The following AUTS2 variants were observed in gnomAD, a reference collection of about 807,000 sequenced individuals.
AUTS2 encodes the protein activator of transcription and developmental regulator AUTS2, also known as autism susceptibility gene 2 protein.
A neutral mutation model predicts 112.4 loss-of-function variants in AUTS2; 17 were observed. The observed-to-expected ratio is 0.15, with a 90% confidence interval of 0.10 to 0.23. AUTS2 has a LOEUF of 0.23. Ranked by LOEUF, AUTS2 falls within the 10% of genes least tolerant of loss-of-function variation. The pLI, the probability that AUTS2 is intolerant of heterozygous loss-of-function variation, is 1.00. For missense variants in AUTS2, 1,510 were observed against 1,701.6 expected, an observed-to-expected ratio of 0.89 and a Z score of 1.98; for synonymous variants, 751 against 702.7, an observed-to-expected ratio of 1.07 and a Z score of -1.09.
At chr7:69,977,000 C>T (rs1798085745) in intron 2 of AUTS2, among the ~76,000 whole-genome samples, 2 of 152,122 alleles carry the variant, frequency 1.3e-5, no homozygotes, top group African/African-American at 4.8e-5. Flanking sequence ...TTGTCACATC[C>T]AAGAAAGATT....
At chr7:70,613,691 A>G (rs1365974486) in intron 5 of AUTS2, among the ~76,000 whole-genome samples, 2 of 152,102 alleles carry the variant, frequency 1.3e-5, no homozygotes, top group Admixed American at 6.5e-5. Flanking sequence ...TCACTCAGAG[A>G]GAGGGGTTGG....
At chr7:69,910,546 T>G (rs1795311423) in intron 2 of AUTS2, among the ~76,000 whole-genome samples, 1 of 152,188 alleles carries the variant, frequency 6.6e-6, no homozygotes, top group African/African-American at 2.4e-5. Flanking sequence ...CAGAAGGCAA[T>G]GAGTAGCAGG....
intron 2 of AUTS2, among the ~76,000 whole-genome samples, chr7:70,017,914 A>T (rs1226562372): frequency 6.6e-6 from 1 of 150,814 alleles, no homozygotes; most frequent in East Asian, 1.9e-4. Flanking sequence ...TGGAAGGGTG[A>T]TGTTGACAAT....
intron 1 of AUTS2, among the ~76,000 whole-genome samples, chr7:69,759,632 A>G (rs1256525500): frequency 1.3e-5 from 2 of 152,176 alleles, no homozygotes; most frequent in Middle Eastern, 3.4e-3. Context: ...CATGTTGTGC[A>G]TTGGACAGTT....
intron 6 of AUTS2, among the ~76,000 whole-genome samples, chr7:70,730,484 G>A (rs1013617017): frequency 6.6e-6 from 1 of 152,106 alleles, no homozygotes; most frequent in African/African-American, 2.4e-5. Context: ...CCGTTCCTGG[G>A]CACTTCATAT....
At chr7:70,598,621 A>G (rs1453031036) in intron 5 of AUTS2, among the ~76,000 whole-genome samples, 1 of 152,158 alleles carries the variant, frequency 6.6e-6, no homozygotes, top group Admixed American at 6.5e-5. Flanking sequence ...GTAGGGGCTC[A>G]AGGATTGCTG....
intron 2 of AUTS2, among the ~76,000 whole-genome samples, chr7:69,977,738 G>A (rs1346763907): frequency 6.6e-6 from 1 of 152,076 alleles, no homozygotes; most frequent in Non-Finnish European, 1.5e-5. Flanking sequence ...CTAGGGGCTT[G>A]TTTTGGTATG....
intron 6 of AUTS2, among the ~76,000 whole-genome samples, chr7:70,741,173 G>T (rs1375429895): frequency 6.6e-6 from 1 of 151,850 alleles, no homozygotes; most frequent in Non-Finnish European, 1.5e-5. Context: ...TTCTTTTTAA[G>T]ATAAGGTTTA....
intron 1 of AUTS2, among the ~76,000 whole-genome samples, chr7:69,886,942 T>A (rs73168743): frequency 2.3e-3 from 343 of 152,174 alleles, no homozygotes; most frequent in Non-Finnish European, 3.6e-3. Flanking sequence ...ACCCAGCTAA[T>A]TTAAAAAATA....
chr7:70,467,995 G>A (rs866840804), intron 5 of AUTS2, among the ~76,000 whole-genome samples: 11 of 152,334 alleles, frequency 7.2e-5, no homozygotes, highest in Admixed American at 2.0e-4. Context: ...TATCTGACAT[G>A]TGCCGGAGAA....
chr7:69,684,316 G>T (rs1055287085), intron 1 of AUTS2, among the ~76,000 whole-genome samples: 1 of 152,182 alleles, frequency 6.6e-6, no homozygotes, highest in Non-Finnish European at 1.5e-5. Context: ...GGTTTTCTCT[G>T]AGATAGCAGC....
At position 70,790,384 on chromosome 7, in the gene AUTS2, G is replaced by C; in HGVS notation, c.3168G>C (p.Pro1056=). ...MTPFMGISPL[P]GGERFPYPSF... ...CCTTCATGGGCATCAGCCCCCTCCC[G>C]GGCGGAGAGCGCTTCCCGTACCCTT... is the stretch of plus-strand genomic sequence containing the variant. The change falls in exon 19 of 19, where the codon CCG becomes CCC. Residue 1056 remains proline (P), a synonymous_variant. Transcript: ENST00000342771. The surrounding 1 kb of genome is among the most constrained non-coding windows in gnomAD (Gnocchi z 7.6). 2 of 1,613,812 alleles carry C rather than the reference G, an allele frequency of 1.2e-6. No homozygotes were observed. Among genetic ancestry groups the C allele is most frequent in the Non-Finnish European group, 1.7e-6 (2 of 1,179,970 alleles).
At chr7:70,014,927 C>T (rs1799962457) in intron 2 of AUTS2, among the ~76,000 whole-genome samples, 2 of 152,198 alleles carry the variant, frequency 1.3e-5, no homozygotes, top group South Asian at 4.1e-4. Flanking sequence ...ATGTGTTTTT[C>T]TTTTTAGTCA....
At chr7:70,150,368 G>A (rs553269476) in intron 4 of AUTS2, among the ~76,000 whole-genome samples, 2 of 152,252 alleles carry the variant, frequency 1.3e-5, no homozygotes, top group East Asian at 1.9e-4. Flanking sequence ...CCTCAGATGT[G>A]TAGAAAGCAT....
chr7:70,359,346 T>C (rs950283736), intron 4 of AUTS2, among the ~76,000 whole-genome samples: 4 of 152,240 alleles, frequency 2.6e-5, no homozygotes, highest in Non-Finnish European at 4.4e-5. Flanking sequence ...AATTTGAATA[T>C]GGTTCATAGG....
chr7:70,328,206 G>A (rs1790579730), intron 4 of AUTS2, among the ~76,000 whole-genome samples: 1 of 152,092 alleles, frequency 6.6e-6, no homozygotes, highest in Admixed American at 6.6e-5. Context: ...ATACAGGGGT[G>A]TTTGATTTGT....
intron 2 of AUTS2, among the ~76,000 whole-genome samples, chr7:70,084,813 T>C (rs924159511): frequency 6.6e-6 from 1 of 152,152 alleles, no homozygotes. Flanking sequence ...AGTGTGTTGT[T>C]TGTCTTTTTA....
intron 2 of AUTS2, among the ~76,000 whole-genome samples, chr7:69,928,563 G>A (rs1242949840): frequency 6.6e-6 from 1 of 152,198 alleles, no homozygotes; most frequent in Non-Finnish European, 1.5e-5. Context: ...CAGGGGGCTG[G>A]TATACCAGCA....
intron 16 of AUTS2, 71 bp downstream of exon 16, chr7:70,785,090 G>C: frequency 2.0e-6 from 3 of 1,529,026 alleles, no homozygotes; most frequent in Non-Finnish European, 2.7e-6. Flanking sequence ...CCATGCTCCC[G>C]CTGCACCTCC....
Sources: allele counts gnomAD v4.1 joint callset (sites outside exome capture counted in the v4.1 genomes callset), GRCh38; gene constraint gnomAD v4.1.1; non-coding constraint Gnocchi (gnomAD v3.1); transcripts MANE v1.5; gene names NCBI Gene and HGNC (gene_info 2026-07-23, HGNC 2026-07-21).